KIAA1549L: variants seen among roughly 807,000 people sequenced by gnomAD.
KIAA1549L encodes KIAA1549 like, also known as UPF0606 protein KIAA1549L.
Under a neutral mutation model 160.7 loss-of-function variants are expected in KIAA1549L, and 88 were observed. The observed-to-expected ratio is 0.55, with a 90% CI of 0.46 to 0.65. The LOEUF (loss-of-function observed/expected upper bound fraction) is 0.65, where lower values mean the gene tolerates loss of function less well. Among genes scored for constraint, KIAA1549L ranks in the 30% least tolerant of loss-of-function variants. The pLI, the probability that KIAA1549L is intolerant of heterozygous loss-of-function variation, is 0.00. For synonymous variants in KIAA1549L, 950 were observed against 976.7 expected (o/e 0.97, Z 0.51); for missense variants, 2,258 against 2,437.5 (o/e 0.93, Z 1.55).
intron 17 of KIAA1549L, among the ~76,000 whole-genome samples, chr11:33,654,193 CG>C (rs1851984373): frequency 3.3e-5 from 5 of 151,558 alleles, no homozygotes; most frequent in South Asian, 4.2e-4. Flanking sequence ...AGGATGGTTT[CG>C]ATCTTCTGAC....
intron 1 of KIAA1549L, among the ~76,000 whole-genome samples, chr11:33,407,014 A>T (rs1249206749): frequency 1.4e-5 from 2 of 143,610 alleles, no homozygotes; most frequent in African/African-American, 5.3e-5. Context: ...CAAGGTAGGG[A>T]CTCTTTGTTC....
At chr11:33,559,344 T>C (rs186930607) in intron 6 of KIAA1549L, among the ~76,000 whole-genome samples, 1 of 152,292 alleles carries the variant, frequency 6.6e-6, no homozygotes, top group Admixed American at 6.5e-5. Flanking sequence ...CCTGAGACTA[T>C]TTAGCCCAGG....
At position 33,435,794 on chromosome 11, in the gene KIAA1549L, ATATATATATATATATATGTGTG is replaced by A. The variant is rs1450685690; in HGVS notation, c.238+58907_238+58928del. Among the ~76,000 whole-genome samples, 13 of 32,356 alleles carry A rather than the reference ATATATATATATATATATGTGTG, an allele frequency of 4.0e-4. 1 individual carries two copies. The highest frequency in any genetic ancestry group is 1.3e-3 in the African/African-American group (6 of 4,504). 21.2% of individuals were successfully genotyped at this position (32,356 alleles called of 152,430 possible). ...TATATATATATATATATATATATAT[ATATATATATATATATATGTGTG>A]TGTATATATATATATGTATATGTAT... On this transcript the variant is annotated intron_variant, in intron 1 of 20. Transcript: ENST00000658780.
intron 1 of KIAA1549L, among the ~76,000 whole-genome samples, chr11:33,517,127 C>A (rs920960319): frequency 6.6e-6 from 1 of 152,180 alleles, no homozygotes; most frequent in Non-Finnish European, 1.5e-5. Context: ...ATTGTTTCCT[C>A]GATGACGATG....
At chr11:33,522,386 C>T (rs183737229) in intron 1 of KIAA1549L, among the ~76,000 whole-genome samples, 30 of 152,236 alleles carry the variant, frequency 2.0e-4, no homozygotes, top group African/African-American at 7.0e-4. Flanking sequence ...TAATAGTATT[C>T]GTTATTAATA....
chr11:33,544,370 G>T, intron 2 of KIAA1549L, 34 bp downstream of exon 2: 1 of 1,605,030 alleles, frequency 6.2e-7, no homozygotes, highest in Non-Finnish European at 8.5e-7. Context: ...TTGTTTCCCG[G>T]TACCCCCAAA....
At chr11:33,576,187 G>A (rs1855441516) in intron 10 of KIAA1549L, among the ~76,000 whole-genome samples, 1 of 152,194 alleles carries the variant, frequency 6.6e-6, no homozygotes, top group African/African-American at 2.4e-5. Flanking sequence ...TGCTTTCCTA[G>A]CTCATGTCCG....
intron 1 of KIAA1549L, among the ~76,000 whole-genome samples, chr11:33,414,273 A>G (rs1850842533): frequency 6.6e-6 from 1 of 152,246 alleles, no homozygotes; most frequent in Non-Finnish European, 1.5e-5. Flanking sequence ...TGGATCTAGC[A>G]CGAAGTATAT....
chr11:33,668,096 G>A lies in KIAA1549L; in HGVS notation c.6383G>A (p.Arg2128Gln), dbSNP rs1243125599. 1.5e-5 allele frequency: 24 copies of A among 1,613,864 alleles called. No homozygotes were observed. Among genetic ancestry groups the A allele is most frequent in the Middle Eastern group, 1.6e-4 (1 of 6,084 alleles). Reference sequence around the variant, plus strand: ...ACTGCGGCCCTTGTGAAGGCCATCCGGGAGGAGGTGGCCAAGCTGGCCAAA... The same window carrying A: ...ACTGCGGCCCTTGTGAAGGCCATCCAGGAGGAGGTGGCCAAGCTGGCCAAA... The part of the protein sequence containing the change: ...ISTAALVKAI[R>Q]EEVAKLAKKQ... The change falls in exon 21 of 21, where the codon CGG becomes CAG. Residue 2128 changes from arginine (R) to glutamine (Q), a missense_variant. Transcript: ENST00000658780.
chr11:33,591,274 G>A lies in KIAA1549L; in HGVS notation c.4604G>A (p.Gly1535Asp). The change falls in exon 12 of 21, where the codon GGC (glycine) becomes GAC (aspartate). Residue 1535 changes from glycine (G) to aspartate (D), a missense_variant. Gly to Asp is a moderately conservative substitution (Grantham distance 94). Transcript: ENST00000658780. The part of the protein sequence containing the change: ...QGFDYAKQHL[G>D]QQGADEEVIP... ...TTTGATTATGCCAAGCAACACCTGG[G>A]CCAGCAAGGGGCAGATGAGGAGGTC... 6.2e-7 allele frequency: 1 copy of A among 1,613,578 alleles called. No individual in the cohort carries two copies. Among genetic ancestry groups the A allele is most frequent in the Non-Finnish European group, 8.5e-7 (1 of 1,179,672 alleles).
chr11:33,634,356 C>G (rs1417827776), intron 16 of KIAA1549L, among the ~76,000 whole-genome samples: 1 of 152,130 alleles, frequency 6.6e-6, no homozygotes, highest in African/African-American at 2.4e-5. Context: ...GCTTACTGCT[C>G]TGAATTGTGT....
Position 33,633,139 on chromosome 11 carries a change from C to CTTTTTTTTTTTTTTTT in KIAA1549L, c.5410-12531_5410-12516dup, listed in dbSNP as rs56310347. ...GACAGGTGCCCACCACCATGCCCAGCTTTTTTTTTTTTTTTTTTTTTTTTT... is the reference window on the plus strand; with the variant it reads ...GACAGGTGCCCACCACCATGCCCAGCTTTTTTTTTTTTTTTTTTTTTTTTTTTTTTTTTTTTTTTTT... On this transcript the variant is annotated intron_variant, in intron 16 of 20. Transcript: ENST00000658780. Among the ~76,000 whole-genome samples, 9 of 50,730 alleles carry CTTTTTTTTTTTTTTTT rather than the reference C, an allele frequency of 1.8e-4. 1 individual carries two copies. The highest frequency in any genetic ancestry group is 7.0e-4 in the Admixed American group (2 of 2,838). 33.3% of individuals were successfully genotyped at this position (50,730 alleles called of 152,430 possible). A position where few individuals can be genotyped will look rare whatever the true frequency, so the allele number is the denominator to read the frequency against.
rs528003130 is a variant in KIAA1549L at position 33,614,105 on chromosome 11, G to T, written c.5279+4139G>T. On this transcript the variant is annotated intron_variant, in intron 15 of 20. Coordinates refer to ENST00000658780, the MANE Select transcript of KIAA1549L (RefSeq NM_012194.3). The stretch of plus-strand genomic sequence containing the variant: ...GGAGCATCCTCAGTTTGTAACAGAT[G>T]GAAACTGATGGATAAATACCCCTGG... Among the ~76,000 whole-genome samples, 8 of 152,210 alleles carry T rather than the reference G, an allele frequency of 5.3e-5. No homozygotes were observed. The East Asian group carries it at 1.2e-3, about 22-fold the overall frequency.
At chr11:33,647,206 G>C (rs919941218) in intron 17 of KIAA1549L, among the ~76,000 whole-genome samples, 1 of 152,026 alleles carries the variant, frequency 6.6e-6, no homozygotes, top group South Asian at 2.1e-4. Context: ...GCAACGTGGT[G>C]AAACCCCATC....
intron 1 of KIAA1549L, among the ~76,000 whole-genome samples, chr11:33,539,211 A>G (rs781612078): frequency 1.3e-5 from 2 of 152,214 alleles, no homozygotes; most frequent in Non-Finnish European, 2.9e-5. Flanking sequence ...AATATCCCAA[A>G]CATATTGCAG....
At chr11:33,625,830 T>G (rs1029982103) in intron 16 of KIAA1549L, among the ~76,000 whole-genome samples, 7 of 152,194 alleles carry the variant, frequency 4.6e-5, no homozygotes, top group African/African-American at 1.7e-4. Context: ...ATGAAGTCCT[T>G]GCCCATGTCT....
In KIAA1549L at chr11:33,581,114, G is replaced by T. The variant is rs187225736; in HGVS notation, c.4403-2224G>T. 1.9e-3 allele frequency among the ~76,000 whole-genome samples: 282 copies of T among 152,284 alleles called. 1 individual carries two copies. Among genetic ancestry groups the T allele is most frequent in the Non-Finnish European group, 2.3e-3 (159 of 68,014 alleles). ...CAGAAGAGCGGCCATGGTCACTAGG[G>T]CCTCACGGGCTGGGACCCCACTGGG... On this transcript the variant is annotated intron_variant, in intron 10 of 20. Transcript: ENST00000658780.
At chr11:33,652,075 T>A (rs1851912853) in intron 17 of KIAA1549L, among the ~76,000 whole-genome samples, 1 of 150,838 alleles carries the variant, frequency 6.6e-6, no homozygotes, top group South Asian at 2.1e-4. Flanking sequence ...TTTATCTCCT[T>A]CCTGGCCAGA....
chr11:33,599,970 A>T (rs1564918292), intron 13 of KIAA1549L, among the ~76,000 whole-genome samples: 1 of 151,962 alleles, frequency 6.6e-6, no homozygotes, highest in Non-Finnish European at 1.5e-5. Context: ...GTGTTGGAAT[A>T]TTTTTTTGTT....
Sources: allele counts gnomAD v4.1 joint callset (sites outside exome capture counted in the v4.1 genomes callset), GRCh38; gene constraint gnomAD v4.1.1; transcripts MANE v1.5; gene names NCBI Gene and HGNC (gene_info 2026-07-23, HGNC 2026-07-21).